TENM3: variants seen among roughly 807,000 people sequenced by gnomAD.
TENM3 encodes the protein teneurin-3.
Under a neutral mutation model 255.1 loss-of-function variants are expected in TENM3, and 63 were observed. That is an observed-to-expected ratio of 0.25 (90% confidence interval 0.20 to 0.30). The LOEUF (loss-of-function observed/expected upper bound fraction) is 0.30. TENM3 is among the 10% of genes least tolerant of loss of function. TENM3 has a pLI of 1.00. For missense variants in TENM3, 2,929 were observed against 3,461.1 expected (o/e 0.85, Z 3.86); for synonymous variants, 1,306 against 1,322.3 (o/e 0.99, Z 0.27).
the TENM3 span, among the ~76,000 whole-genome samples, chr4:181,492,288 C>G: frequency 3.9e-5 from 6 of 152,298 alleles, no homozygotes; most frequent in African/African-American, 1.2e-4. Context: ...TACTGCTTCT[C>G]TTTTTCACAA....
chr4:181,817,813 G>C, the TENM3 span, among the ~76,000 whole-genome samples: 2 of 152,112 alleles, frequency 1.3e-5, no homozygotes, highest in Non-Finnish European at 2.9e-5. Context: ...GGCCCTCCCA[G>C]CCTCTAGAAC....
At chr4:182,277,050 G>A (rs1315259782) in intron 1 of TENM3, among the ~76,000 whole-genome samples, 1 of 152,208 alleles carries the variant, frequency 6.6e-6, no homozygotes, top group Non-Finnish European at 1.5e-5. Flanking sequence ...GTCTACGTCT[G>A]AACAAAATGT....
chr4:182,189,640 C>G (rs1753387727), intron 1 of TENM3, among the ~76,000 whole-genome samples: 1 of 152,116 alleles, frequency 6.6e-6, no homozygotes, highest in Non-Finnish European at 1.5e-5. Flanking sequence ...CCCCACACAT[C>G]TCAGAAGTTG....
At chr4:181,712,722 T>C in the TENM3 span, among the ~76,000 whole-genome samples, 1 of 152,242 alleles carries the variant, frequency 6.6e-6, no homozygotes, top group Non-Finnish European at 1.5e-5. Flanking sequence ...ATGTATGTTA[T>C]ATGAAGATCT....
At chr4:181,736,095 C>G in the TENM3 span, among the ~76,000 whole-genome samples, 3 of 151,962 alleles carry the variant, frequency 2.0e-5, no homozygotes, top group African/African-American at 7.3e-5. Flanking sequence ...GTCAGGAGTT[C>G]AAGACCAGCC....
At chr4:182,371,776 T>C (rs1242921323) in intron 3 of TENM3, among the ~76,000 whole-genome samples, 1 of 152,184 alleles carries the variant, frequency 6.6e-6, no homozygotes, top group East Asian at 1.9e-4. Flanking sequence ...AATTTCCTCA[T>C]AACTGAGGCA....
the TENM3 span, among the ~76,000 whole-genome samples, chr4:181,523,346 G>T: frequency 1.3e-5 from 2 of 151,772 alleles, no homozygotes; most frequent in South Asian, 2.1e-4. Context: ...GTGATTGAAA[G>T]CTGCCTTTCT....
the TENM3 span, among the ~76,000 whole-genome samples, chr4:181,918,655 A>G: frequency 1.3e-5 from 2 of 152,114 alleles, no homozygotes; most frequent in African/African-American, 2.4e-5. Context: ...TAGGTTTTCA[A>G]TTAATACATC....
intron 1 of TENM3, among the ~76,000 whole-genome samples, chr4:182,224,334 A>G (rs1215052809): frequency 6.6e-6 from 1 of 152,158 alleles, no homozygotes; most frequent in African/African-American, 2.4e-5. Context: ...GCTAGGCCCT[A>G]TATTTCTGGC....
chr4:182,175,663 T>G (rs1752438125), intron 1 of TENM3, among the ~76,000 whole-genome samples: 1 of 152,234 alleles, frequency 6.6e-6, no homozygotes, highest in Non-Finnish European at 1.5e-5. Flanking sequence ...GCTGGAATGA[T>G]GTGTCTATTG....
In TENM3 at chr4:182,378,915, A is replaced by T. The variant is rs142817546; in HGVS notation, c.511+31986A>T. Among the ~76,000 whole-genome samples the T allele has an allele frequency of 6.8e-3, 822 of 121,080 alleles. 23 individuals carry two copies. The highest frequency in any genetic ancestry group is 0.034 in the East Asian group (158 of 4,690). 79.4% of individuals were successfully genotyped at this position (121,080 alleles called of 152,430 possible). A position where few individuals can be genotyped will look rare whatever the true frequency, so the allele number is the denominator to read the frequency against. On this transcript the variant is annotated intron_variant, in intron 3 of 27. Coordinates refer to ENST00000511685, the MANE Select transcript of TENM3 (RefSeq NM_001080477.4). ...GTCTAACTTCAGAGCTCAGCTCCAC[A>T]TTCTAAAACCGTTTCCCTTGAGACT...
the TENM3 span, among the ~76,000 whole-genome samples, chr4:181,916,783 A>C: frequency 6.6e-6 from 1 of 152,118 alleles, no homozygotes; most frequent in Non-Finnish European, 1.5e-5. Flanking sequence ...AGGCTGAGAC[A>C]GGAGAATCGT....
chr4:182,228,547 C>T (rs1034982511), intron 1 of TENM3, among the ~76,000 whole-genome samples: 3 of 151,662 alleles, frequency 2.0e-5, no homozygotes, highest in Non-Finnish European at 4.4e-5. Flanking sequence ...TAGGGTCTAC[C>T]GGTTCAAAGA....
intron 3 of TENM3, among the ~76,000 whole-genome samples, chr4:182,574,075 A>G (rs1206669149): frequency 6.6e-6 from 1 of 152,170 alleles, no homozygotes; most frequent in African/African-American, 2.4e-5. Flanking sequence ...GTTTTTAAAT[A>G]TACTGCCTTC....
chr4:182,334,686 A>C (rs1030509965), intron 2 of TENM3, among the ~76,000 whole-genome samples: 1 of 152,178 alleles, frequency 6.6e-6, no homozygotes, highest in African/African-American at 2.4e-5. Flanking sequence ...AACAAAAAAA[A>C]GGTTTTTCTA....
chr4:182,651,698 GAA>G (rs560075723), intron 5 of TENM3, among the ~76,000 whole-genome samples: 10 of 146,272 alleles, frequency 6.8e-5, no homozygotes, highest in African/African-American at 2.2e-4. Context: ...CTCCGTCTCA[GAA>G]AAAAAAAAGA....
At chr4:182,402,860 A>C (rs2151036411) in intron 3 of TENM3, among the ~76,000 whole-genome samples, 1 of 152,324 alleles carries the variant, frequency 6.6e-6, no homozygotes, top group South Asian at 2.1e-4. Context: ...TAGGAGATTT[A>C]TTTAAAACAT....
chr4:182,324,479 AAGCCT>A (rs1763267501), intron 2 of TENM3, among the ~76,000 whole-genome samples: 1 of 152,234 alleles, frequency 6.6e-6, no homozygotes, highest in Non-Finnish European at 1.5e-5. Context: ...GAGAATTCCG[AAGCCT>A]CACCTGCTAT....
the TENM3 span, among the ~76,000 whole-genome samples, chr4:181,574,154 A>C: frequency 1.3e-5 from 2 of 152,226 alleles, no homozygotes; most frequent in African/African-American, 4.8e-5. Context: ...CAGTTGAGGA[A>C]AAATCCTTTC....
Sources: allele counts gnomAD v4.1 joint callset (sites outside exome capture counted in the v4.1 genomes callset), GRCh38; gene constraint gnomAD v4.1.1; transcripts MANE v1.5; gene names NCBI Gene and HGNC (gene_info 2026-07-23, HGNC 2026-07-21).